Variants in WDR19 observed in about 807,000 individuals in gnomAD.
WDR19 encodes WD repeat-containing protein 19.
Under a neutral mutation model 180.0 loss-of-function variants are expected in WDR19, and 121 were observed. That is an observed-to-expected ratio of 0.67 (90% CI 0.58 to 0.78). The LOEUF (loss-of-function observed/expected upper bound fraction) is 0.78, where lower values mean the gene tolerates loss of function less well. WDR19 is among the 30% of genes least tolerant of loss of function. The pLI, the probability that WDR19 is intolerant of heterozygous loss-of-function variation, is 0.00. For missense variants in WDR19, 1,450 were observed against 1,640.7 expected (o/e 0.88, Z 2.01); for synonymous variants, 497 against 540.7 (o/e 0.92, Z 1.12).
chr4:39,223,788 G>C (rs1483303928), intron 14 of WDR19, among the ~76,000 whole-genome samples: 1 of 152,030 alleles, frequency 6.6e-6, no homozygotes, highest in Non-Finnish European at 1.5e-5. Flanking sequence ...CTTAAAATTG[G>C]GTAGACTAAT....
At position 39,252,522 on chromosome 4, in the gene WDR19, A is replaced by T. The variant is rs1448475053; in HGVS notation, c.2730-624A>T. ...TTAAAGTATAATAATAAAAAATAATAAAAAAAAATTAAAAAATTTTTTAAA... is the reference window on the plus strand; with the variant it reads ...TTAAAGTATAATAATAAAAAATAATTAAAAAAAATTAAAAAATTTTTTAAA... On this transcript the variant is annotated intron_variant, in intron 24 of 36. Transcript: ENST00000399820. 6.0e-5 allele frequency among the ~76,000 whole-genome samples: 4 copies of T among 66,320 alleles called. No individual in the cohort carries two copies. The South Asian group carries it at 1.2e-3, about 20-fold the overall frequency. 43.5% of individuals were successfully genotyped at this position (66,320 alleles called of 152,430 possible).
At chr4:39,218,396 T>C in intron 14 of WDR19, 1 of 389,562 alleles carries the variant, frequency 2.6e-6, no homozygotes, top group Non-Finnish European at 4.7e-6. Flanking sequence ...AGCCTATTGC[T>C]CCTAGGCTAC....
At position 39,228,543 on chromosome 4, in the gene WDR19, T is replaced by C. The variant is rs1456800995; in HGVS notation, c.1835T>C (p.Leu612Pro). 3 of 1,613,852 alleles carry C rather than the reference T, an allele frequency of 1.9e-6. No individual in the cohort carries two copies. Among genetic ancestry groups the C allele is most frequent in the Non-Finnish European group, 2.5e-6 (3 of 1,179,866 alleles). ...TKVPFAHKPL[L>P]LYNGELTCQT... ...GTTCCTTTTGCTCATAAACCTTTGCTGCTATATAATGGAGAGCTGACCTGC... is the reference window on the plus strand; with the variant it reads ...GTTCCTTTTGCTCATAAACCTTTGCCGCTATATAATGGAGAGCTGACCTGC... Residue 612 changes from leucine to proline, a missense_variant, in exon 17 of 37, where the codon CTG becomes CCG. By Grantham distance (98) the Leu-to-Pro change is moderately conservative (BLOSUM62 -3). Coordinates refer to ENST00000399820, the MANE Select transcript of WDR19 (RefSeq NM_025132.4).
At chr4:39,182,651 C>G in intron 1 of WDR19, 88 bp downstream of exon 1, 1 of 1,570,662 alleles carries the variant, frequency 6.4e-7, no homozygotes, top group East Asian at 2.3e-5. Context: ...CTGTCCCTCT[C>G]CCTTCTGAGT....
At chr4:39,239,704 A>C (rs1004027363) in intron 20 of WDR19, among the ~76,000 whole-genome samples, 12 of 152,218 alleles carry the variant, frequency 7.9e-5, no homozygotes, top group Non-Finnish European at 1.3e-4. Context: ...CAAAATGCCT[A>C]GCATACCACA....
intron 6 of WDR19, among the ~76,000 whole-genome samples, chr4:39,201,449 T>C (rs1029527518): frequency 4.6e-5 from 7 of 152,136 alleles, no homozygotes; most frequent in African/African-American, 1.4e-4. Context: ...CTAAAACTTA[T>C]TTTAGTAGAT....
In WDR19 at chr4:39,253,913, C is replaced by A; in HGVS notation, c.2884C>A (p.Leu962Ile). 1 of 1,592,268 alleles carries A rather than the reference C, an allele frequency of 6.3e-7. No individual in the cohort carries two copies. Among genetic ancestry groups the A allele is most frequent in the South Asian group, 1.2e-5 (1 of 86,610 alleles). Reference sequence around the variant, plus strand: ...TAAAGTACTTTGCTTTAGGTTTTTTCTACAGCTTGGTGACTATGGGTCTGC... The same window carrying A: ...TAAAGTACTTTGCTTTAGGTTTTTTATACAGCTTGGTGACTATGGGTCTGC... Reference protein sequence around the residue: ...DGAKMVARFFLQLGDYGSAIQ... With the variant: ...DGAKMVARFFIQLGDYGSAIQ... Residue 962 changes from leucine (L) to isoleucine (I), a missense_variant, in exon 26 of 37, where the codon CTA becomes ATA. Leu to Ile is a conservative substitution (Grantham distance 5). Coordinates refer to ENST00000399820, the MANE Select transcript of WDR19 (RefSeq NM_025132.4).
At chr4:39,272,959 A>T in intron 31 of WDR19, 21 bp from the exon 32 acceptor site, 1 of 1,568,482 alleles carries the variant, frequency 6.4e-7, no homozygotes, top group Non-Finnish European at 8.7e-7. Flanking sequence ...TAAGAAGAGT[A>T]AAATATGTCA....
chr4:39,185,949 G>C, intron 2 of WDR19, 132 bp downstream of exon 2: 1 of 721,338 alleles, frequency 1.4e-6, no homozygotes, highest in Non-Finnish European at 2.1e-6. Context: ...AGGATGGAGT[G>C]CAGTGGCACG....
At chr4:39,243,185 T>C (rs899799011) in intron 21 of WDR19, among the ~76,000 whole-genome samples, 2 of 152,226 alleles carry the variant, frequency 1.3e-5, no homozygotes, top group Non-Finnish European at 2.9e-5. Context: ...TGATAGTATT[T>C]CTGAAGAATA....
At position 39,185,688 on chromosome 4, in the gene WDR19, A is replaced by G. The variant is rs146941172; in HGVS notation, c.7-38A>G. On this transcript the variant is annotated intron_variant, in intron 1 of 36. Coordinates refer to ENST00000399820, the MANE Select transcript of WDR19 (RefSeq NM_025132.4). ...CCTTTTCTGATCAACACTTGATTGT[A>G]TGTTTTGAAAATATTAAAAATTGTG... is the stretch of plus-strand genomic sequence containing the variant. 2.1e-4 allele frequency: 318 copies of G among 1,530,106 alleles called. 1 individual carries two copies. The East Asian group carries it at 7.4e-3, about 35-fold the overall frequency. 94.8% of individuals were successfully genotyped at this position (1,530,106 alleles called of 1,614,324 possible).
At position 39,274,815 on chromosome 4, in the gene WDR19, A is replaced by G; in HGVS notation, c.3573A>G (p.Val1191=). The G allele has an allele frequency of 1.2e-6, 2 of 1,613,328 alleles. No individual in the cohort carries two copies. The highest frequency in any genetic ancestry group is 1.7e-6 in the Non-Finnish European group (2 of 1,179,420). The change falls in exon 33 of 37, where the codon GTA becomes GTG. Residue 1191 remains valine, a synonymous_variant. Transcript: ENST00000399820. ...TCCCCTTTTCTCTTGCAGACATTGT[A>G]CCCATCCTGACGTCAACTGTGATTG... ...NNISKFPSHI[V]PILTSTVIEC... is the part of the protein sequence containing the mutation.
chr4:39,253,241 TCAA>T lies in WDR19; in HGVS notation c.2826_2828del (p.Asn943del). On this transcript the variant is annotated inframe_deletion, in exon 25 of 37. Transcript: ENST00000399820. ...CACCTCAATAATCCTGAAAAAGCTG[TCAA>T]TATTGTTAGAGAGACCCAGTCTCTG... is the stretch of plus-strand genomic sequence containing the variant. The T allele has an allele frequency of 6.2e-7, 1 of 1,613,580 alleles. No homozygotes were observed. The highest frequency in any genetic ancestry group is 8.5e-7 in the Non-Finnish European group (1 of 1,179,740).
At chr4:39,187,419 C>CA (rs71192832) in intron 3 of WDR19, among the ~76,000 whole-genome samples, 11,287 of 63,172 alleles carry the variant, frequency 0.18, 674 homozygotes, top group East Asian at 0.32. Flanking sequence ...GACTCCATCT[C>CA]AAAAAAAAAA....
chr4:39,182,539 T>G lies in WDR19; in HGVS notation c.-19T>G. 6.2e-7 allele frequency: 1 copy of G among 1,613,708 alleles called. No homozygotes were observed. The highest frequency in any genetic ancestry group is 8.5e-7 in the Non-Finnish European group (1 of 1,179,832). On this transcript the variant is annotated 5_prime_UTR_variant, in exon 1 of 37. Coordinates refer to ENST00000399820, the MANE Select transcript of WDR19 (RefSeq NM_025132.4). ...GCGCCTGCGTACTTCATAGTTCGCG[T>G]AGCGGCTCGAGCGTGGAGATGAAGG...
At position 39,213,512 on chromosome 4, in the gene WDR19, T is replaced by C. The variant is rs569113635; in HGVS notation, c.891-1089T>C. Among the ~76,000 whole-genome samples the C allele has an allele frequency of 9.2e-5, 14 of 152,332 alleles. No individual in the cohort carries two copies. The South Asian group carries it at 2.9e-3, about 32-fold the overall frequency. On this transcript the variant is annotated intron_variant, in intron 9 of 36. Transcript: ENST00000399820. ...ATATGATTTCATTTATATAATGTTC[T>C]TGAAGAGATAGAATTATAAAAACAA...
At chr4:39,240,711 G>A (rs761386947) in intron 21 of WDR19, among the ~76,000 whole-genome samples, 2 of 152,008 alleles carry the variant, frequency 1.3e-5, no homozygotes, top group African/African-American at 2.4e-5. Flanking sequence ...TAGCACTTTG[G>A]GAGGCCAAGG....
intron 23 of WDR19, 108 bp from the exon 24 acceptor site, chr4:39,245,261 G>C: frequency 1.1e-6 from 1 of 895,072 alleles, no homozygotes; most frequent in Non-Finnish European, 1.6e-6. Context: ...ATTTTTGAAA[G>C]ATAGTAATAA....
chr4:39,268,186 G>T, intron 30 of WDR19, 95 bp downstream of exon 30: 1 of 1,063,414 alleles, frequency 9.4e-7, no homozygotes. Flanking sequence ...CCCTACGTTT[G>T]TAACATAGGC....
Sources: gnomAD v4.1 joint callset for allele counts (sites outside exome capture counted in the v4.1 genomes callset) on GRCh38, gnomAD v4.1.1 for gene constraint, MANE v1.5 for transcripts, NCBI Gene and HGNC (gene_info 2026-07-23, HGNC 2026-07-21) for gene names.